Variants in NFATC1 observed in about 807,000 individuals in gnomAD.
NFATC1 encodes the protein nuclear factor of activated T-cells, cytoplasmic 1.
NFATC1 carries 22 observed loss-of-function variants against 76.0 expected under a neutral mutation model. That is an observed-to-expected ratio of 0.29 (90% CI 0.21 to 0.41). The LOEUF is 0.41. NFATC1 is among the 10% of genes least tolerant of loss of function. The pLI, the probability that NFATC1 is intolerant of heterozygous loss-of-function variation, is 1.00. For synonymous variants in NFATC1, 704 were observed against 613.1 expected, an observed-to-expected ratio of 1.15 and a Z score of -2.19; for missense variants, 1,357 against 1,337.7, an observed-to-expected ratio of 1.01 and a Z score of -0.23.
rs1600624900 is a variant in NFATC1, at chr18:79,411,557, G to A, written c.1226+56G>A. On this transcript the variant is annotated intron_variant, in intron 2 of 9. Coordinates refer to ENST00000427363, the MANE Select transcript of NFATC1 (RefSeq NM_001278669.2). ...GGCGAGGGGAGGCGCGGGGCGGGGC[G>A]GAACGCGGGGAGCGGGACGGGGGGC... is the stretch of plus-strand genomic sequence containing the variant. 5.9e-5 allele frequency: 75 copies of A among 1,265,972 alleles called. 1 individual carries two copies. In the South Asian group the frequency reaches 1.5e-3, roughly 26 times the overall value. The allele number at this position is 1,265,972 out of a possible 1,614,324, so 78.4% of individuals were successfully genotyped here. A position where few individuals can be genotyped will look rare whatever the true frequency, so the allele number is the denominator to read the frequency against.
intron 9 of NFATC1, among the ~76,000 whole-genome samples, chr18:79,521,879 G>T (rs2090601954): frequency 1.4e-5 from 1 of 73,684 alleles, no homozygotes; most frequent in African/African-American, 5.5e-5. Context: ...GTCTGTGTGT[G>T]TGGGGGGGGC....
At chr18:79,461,572 C>T (rs76767028) in intron 7 of NFATC1, among the ~76,000 whole-genome samples, 12 of 152,248 alleles carry the variant, frequency 7.9e-5, no homozygotes, top group African/African-American at 2.7e-4. Flanking sequence ...TGTGCTGTCA[C>T]CCAACGTGTC....
At chr18:79,449,056 G>T in intron 4 of NFATC1, 72 bp downstream of exon 4, 1 of 1,507,972 alleles carries the variant, frequency 6.6e-7, no homozygotes, top group Admixed American at 1.9e-5. Flanking sequence ...CCAGTCCCGG[G>T]GGGTCTGGCC....
intron 7 of NFATC1, among the ~76,000 whole-genome samples, chr18:79,464,218 T>C (rs1188371242): frequency 6.6e-6 from 1 of 152,034 alleles, no homozygotes; most frequent in Non-Finnish European, 1.5e-5. Context: ...GTCTCCCGAG[T>C]ATCTAGGACT....
At position 79,470,097 on chromosome 18, in the gene NFATC1, C is replaced by T. The variant is rs149622033; in HGVS notation, c.2092+2515C>T. ...CGGCTGGGTCTGAGGACGCCGAGGCCGCTCCAGGACCTGCGTCCTCCGTGC... is the reference window on the plus strand; with the variant it reads ...CGGCTGGGTCTGAGGACGCCGAGGCTGCTCCAGGACCTGCGTCCTCCGTGC... On this transcript the variant is annotated intron_variant, in intron 8 of 9. Transcript: ENST00000427363. The T allele has an allele frequency of 8.4e-3, 6,098 of 728,810 alleles. 32 individuals are homozygous for T. The highest frequency in any genetic ancestry group is 9.6e-3 in the Non-Finnish European group (5,700 of 595,378). 45.1% of individuals were successfully genotyped at this position (728,810 alleles called of 1,614,324 possible).
intron 9 of NFATC1, among the ~76,000 whole-genome samples, chr18:79,510,558 A>T (rs2090219431): frequency 6.6e-6 from 1 of 152,190 alleles, no homozygotes; most frequent in African/African-American, 2.4e-5. Flanking sequence ...AGGAACAGGG[A>T]TGGGCCTGTC....
chr18:79,486,489 G>A lies in NFATC1; in HGVS notation c.2334G>A (p.Lys778=), dbSNP rs964243816. Residue 778 remains lysine, a synonymous_variant, in exon 9 of 10, where the codon AAG becomes AAA. Transcript: ENST00000427363. ...ACCTTTCTCCCGCTGCCTACACCAAGGGCGTTGCCAGCCCGGGCCACTGTC... is the reference window on the plus strand; with the variant it reads ...ACCTTTCTCCCGCTGCCTACACCAAAGGCGTTGCCAGCCCGGGCCACTGTC... The part of the protein sequence containing the change: ...LHDLSPAAYT[K]GVASPGHCHL... 1.2e-6 allele frequency: 2 copies of A among 1,606,760 alleles called. No individual in the cohort carries two copies. Among genetic ancestry groups the A allele is most frequent in the African/African-American group, 2.7e-5 (2 of 74,912 alleles).
intron 3 of NFATC1, among the ~76,000 whole-genome samples, chr18:79,441,197 G>A (rs563861717): frequency 1.1e-4 from 16 of 152,352 alleles, no homozygotes; most frequent in African/African-American, 3.8e-4. Context: ...GGAGATTGGG[G>A]AGTGCAGGGC....
intron 9 of NFATC1, among the ~76,000 whole-genome samples, chr18:79,491,624 C>T (rs2089680408): frequency 6.6e-6 from 1 of 152,188 alleles, no homozygotes; most frequent in Admixed American, 6.5e-5. Context: ...TGACAGAAGC[C>T]CTGCCGGGTC....
At chr18:79,497,036 A>T (rs1045089692) in intron 9 of NFATC1, 2 of 152,240 alleles carry the variant, frequency 1.3e-5, no homozygotes, top group African/African-American at 4.8e-5. Flanking sequence ...AGATGTGATG[A>T]GCAAAGATTT....
At chr18:79,460,785 C>G (rs1568989539) in intron 6 of NFATC1, among the ~76,000 whole-genome samples, 1 of 152,198 alleles carries the variant, frequency 6.6e-6, no homozygotes, top group Non-Finnish European at 1.5e-5. Flanking sequence ...GCCCCCGGCC[C>G]CCCGTCACTA....
At chr18:79,526,426 C>G (rs935247264) in intron 9 of NFATC1, among the ~76,000 whole-genome samples, 1 of 152,254 alleles carries the variant, frequency 6.6e-6, no homozygotes, top group African/African-American at 2.4e-5. Flanking sequence ...CCACGCGTGC[C>G]TGTGTCTTTA....
chr18:79,400,378 C>CGGCCCG (rs1162184417), intron 1 of NFATC1: 3 of 1,477,398 alleles, frequency 2.0e-6, no homozygotes, highest in East Asian at 3.0e-5. Flanking sequence ...GCCCCGGCCC[C>CGGCCCG]GGCCCGACCC....
At chr18:79,500,363 T>G (rs2089987327) in intron 9 of NFATC1, among the ~76,000 whole-genome samples, 1 of 152,126 alleles carries the variant, frequency 6.6e-6, no homozygotes, top group South Asian at 2.1e-4. Flanking sequence ...AAACACAACA[T>G]ATCAAAATTT....
chr18:79,425,696 T>A (rs1002419497), intron 2 of NFATC1, among the ~76,000 whole-genome samples: 3 of 152,204 alleles, frequency 2.0e-5, no homozygotes, highest in Non-Finnish European at 2.9e-5. Context: ...GAGAGTGTTT[T>A]CAGATGCTGG....
intron 3 of NFATC1, among the ~76,000 whole-genome samples, chr18:79,434,164 TG>T (rs2086692514): frequency 6.6e-6 from 1 of 152,196 alleles, no homozygotes; most frequent in South Asian, 2.1e-4. Flanking sequence ...GCTTGGGTGC[TG>T]GGGGGCACCA....
In NFATC1 at chr18:79,396,364, C is replaced by T. The variant is rs367875822; in HGVS notation, c.127+13C>T. On this transcript the variant is annotated intron_variant, in intron 1 of 9. Coordinates refer to ENST00000427363, the MANE Select transcript of NFATC1 (RefSeq NM_001278669.2). ...TCAGCGGAGGAAGGTAAGCCCCGCG[C>T]GGCCTCCGCCCCCGGACCCCTGCGC... is the stretch of plus-strand genomic sequence containing the variant. The T allele has an allele frequency of 2.3e-3, 2,958 of 1,308,984 alleles. 57 individuals carry two copies. In the African/African-American group the frequency reaches 0.039, roughly 17 times the overall value. The allele number at this position is 1,308,984 out of a possible 1,614,324, so 81.1% of individuals were successfully genotyped here. A position where few individuals can be genotyped will look rare whatever the true frequency, so the allele number is the denominator to read the frequency against.
At position 79,476,435 on chromosome 18, in the gene NFATC1, T is replaced by C. The variant is rs145623643; in HGVS notation, c.2092+8853T>C. ...CTTGTGTGGTCTGTGGGAGCGTCCT[T>C]TGTCATCAGCCTAATTGGGCAACAG... is the stretch of plus-strand genomic sequence containing the variant. On this transcript the variant is annotated intron_variant, in intron 8 of 9. Transcript: ENST00000427363. Among the ~76,000 whole-genome samples the C allele has an allele frequency of 5.8e-3, 880 of 152,324 alleles. 12 individuals carry two copies. Among genetic ancestry groups the C allele is most frequent in the African/African-American group, 0.019 (806 of 41,562 alleles).
intron 9 of NFATC1, among the ~76,000 whole-genome samples, chr18:79,493,168 C>G (rs1250947143): frequency 6.6e-6 from 1 of 152,224 alleles, no homozygotes; most frequent in Non-Finnish European, 1.5e-5. Flanking sequence ...GGCTCCTTTT[C>G]TAATGTGATC....
Sources: gnomAD v4.1 joint callset for allele counts (sites outside exome capture counted in the v4.1 genomes callset) on GRCh38, gnomAD v4.1.1 for gene constraint, MANE v1.5 for transcripts, NCBI Gene and HGNC (gene_info 2026-07-23, HGNC 2026-07-21) for gene names.